Variants in COL23A1 observed in about 807,000 individuals in gnomAD.
COL23A1 encodes the protein collagen alpha-1(XXIII) chain.
In COL23A1, 97 loss-of-function variants were observed where a neutral mutation model predicts 99.3. That is an observed-to-expected ratio of 0.98 (90% CI 0.83 to 1.16). The LOEUF (loss-of-function observed/expected upper bound fraction) is 1.16, where lower values mean the gene tolerates loss of function less well. Ranked by LOEUF, COL23A1 falls within the 50% of genes most tolerant of loss-of-function variation. The pLI is 0.00. For synonymous variants in COL23A1, 320 were observed against 308.2 expected, an observed-to-expected ratio of 1.04 and a Z score of -0.40; for missense variants, 762 against 757.4, an observed-to-expected ratio of 1.01 and a Z score of -0.07.
In COL23A1 at chr5:178,400,525, T is replaced by G. The variant is rs111499507; in HGVS notation, c.362-93606A>C. On this transcript the variant is annotated intron_variant, in intron 2 of 28. Transcript: ENST00000390654. ...TCTGTTCTCTGTTTCTATAGTTTTC[T>G]AAAAATTGTGGTAAGATAGACATAA... 5.7e-3 allele frequency among the ~76,000 whole-genome samples: 861 copies of G among 152,298 alleles called. 6 individuals carry two copies. The highest frequency in any genetic ancestry group is 0.02 in the African/African-American group (824 of 41,568).
intron 5 of COL23A1, among the ~76,000 whole-genome samples, chr5:178,287,338 A>C (rs1043539542): frequency 2.0e-5 from 3 of 152,250 alleles, no homozygotes; most frequent in African/African-American, 7.2e-5. Context: ...GGGCCACTCC[A>C]GCATGAAGTC....
intron 25 of COL23A1, among the ~76,000 whole-genome samples, chr5:178,244,622 C>T (rs890218593): frequency 2.6e-5 from 4 of 152,212 alleles, no homozygotes; most frequent in Middle Eastern, 3.2e-3. Context: ...CTCACCACCA[C>T]GTGGAACTTG....
intron 2 of COL23A1, among the ~76,000 whole-genome samples, chr5:178,390,671 C>G (rs1264722255): frequency 6.6e-6 from 1 of 152,206 alleles, no homozygotes; most frequent in Non-Finnish European, 1.5e-5. Flanking sequence ...GTGCCAAGAC[C>G]ATTCCATGGG....
At chr5:178,520,114 A>G (rs914317171) in intron 2 of COL23A1, among the ~76,000 whole-genome samples, 4 of 152,066 alleles carry the variant, frequency 2.6e-5, no homozygotes, top group Admixed American at 2.6e-4. Context: ...ATGGTCTGAT[A>G]AATGGATGGA....
In COL23A1 at chr5:178,411,938, G is replaced by A. The variant is rs150087170; in HGVS notation, c.362-105019C>T. ...AGAAACTTGTGTGTAATGTTACTGA[G>A]AGAATAAGTCGGCATCATTTTAAGG... On this transcript the variant is annotated intron_variant, in intron 2 of 28. Coordinates refer to ENST00000390654, the MANE Select transcript of COL23A1 (RefSeq NM_173465.4). Among the ~76,000 whole-genome samples, 294 of 152,362 alleles carry A rather than the reference G, an allele frequency of 1.9e-3. 1 individual carries two copies. Among genetic ancestry groups the A allele is most frequent in the African/African-American group, 6.4e-3 (265 of 41,584 alleles).
chr5:178,269,434 C>T (rs1432511862), intron 6 of COL23A1, among the ~76,000 whole-genome samples: 2 of 99,662 alleles, frequency 2.0e-5, no homozygotes, highest in African/African-American at 8.4e-5. Flanking sequence ...CATCCACCCA[C>T]CCACCCATCC....
chr5:178,382,334 A>C (rs1763427557), intron 2 of COL23A1, among the ~76,000 whole-genome samples: 1 of 152,152 alleles, frequency 6.6e-6, no homozygotes, highest in Admixed American at 6.5e-5. Context: ...TTTGTTTCCG[A>C]ATCAGGTTCT....
intron 2 of COL23A1, among the ~76,000 whole-genome samples, chr5:178,557,627 C>A (rs1364223303): frequency 6.6e-6 from 1 of 152,164 alleles, no homozygotes; most frequent in East Asian, 1.9e-4. Flanking sequence ...CGCTGACTCC[C>A]CGGGCTGCTA....
At chr5:178,488,738 T>C (rs564601485) in intron 2 of COL23A1, among the ~76,000 whole-genome samples, 1 of 150,772 alleles carries the variant, frequency 6.6e-6, no homozygotes, top group South Asian at 2.1e-4. Context: ...ACATATTTAA[T>C]GTATACATTC....
At chr5:178,477,830 T>G (rs1301895441) in intron 2 of COL23A1, among the ~76,000 whole-genome samples, 1 of 152,180 alleles carries the variant, frequency 6.6e-6, no homozygotes, top group East Asian at 1.9e-4. Context: ...CGGATGCTGG[T>G]GCTAATGGGT....
chr5:178,249,723 C>CAA, intron 18 of COL23A1, among the ~76,000 whole-genome samples: 1 of 67,318 alleles, frequency 1.5e-5, no homozygotes, highest in African/African-American at 3.3e-5. Flanking sequence ...CACACTCTCT[C>CAA]TCTCTCTCTC....
At chr5:178,450,693 A>T (rs961389598) in intron 2 of COL23A1, among the ~76,000 whole-genome samples, 1 of 152,226 alleles carries the variant, frequency 6.6e-6, no homozygotes, top group Admixed American at 6.5e-5. Flanking sequence ...AACAATAGCC[A>T]GCTTTTGTTG....
intron 1 of COL23A1, among the ~76,000 whole-genome samples, chr5:178,565,161 C>T (rs1762779810): frequency 6.6e-6 from 1 of 152,194 alleles, no homozygotes. Flanking sequence ...CAGCAACTAA[C>T]AAAACAACCC....
chr5:178,468,441 C>T lies in COL23A1; in HGVS notation c.361+92241G>A, dbSNP rs114516015. 9.7e-3 allele frequency among the ~76,000 whole-genome samples: 1,478 copies of T among 152,320 alleles called. 19 individuals are homozygous for T. The highest frequency in any genetic ancestry group is 0.015 in the Non-Finnish European group (1,019 of 68,022). ...GTGAATGCAAGAATATCAACAACCACGGCTCCGTCTCCTGTGGGCTAGACA... is the reference window on the plus strand; with the variant it reads ...GTGAATGCAAGAATATCAACAACCATGGCTCCGTCTCCTGTGGGCTAGACA... On this transcript the variant is annotated intron_variant, in intron 2 of 28. Transcript: ENST00000390654. The surrounding 1 kb of genome is among the most constrained non-coding windows in gnomAD (Gnocchi z 4.2).
chr5:178,488,643 C>T (rs1013894843), intron 2 of COL23A1, among the ~76,000 whole-genome samples: 2 of 149,714 alleles, frequency 1.3e-5, no homozygotes, highest in African/African-American at 4.9e-5. Flanking sequence ...CAAAACGGTG[C>T]GTGGAGTTTG....
intron 2 of COL23A1, among the ~76,000 whole-genome samples, chr5:178,463,542 T>C (rs1169060658): frequency 1.3e-5 from 2 of 152,182 alleles, no homozygotes; most frequent in Admixed American, 6.5e-5. Context: ...CCCCGCACTT[T>C]GGAAACCGCC....
At chr5:178,409,728 T>C (rs1392127855) in intron 2 of COL23A1, among the ~76,000 whole-genome samples, 2 of 152,218 alleles carry the variant, frequency 1.3e-5, no homozygotes, top group Admixed American at 6.5e-5. Context: ...ACAAAGTATG[T>C]AGAACTCAGA....
chr5:178,509,951 C>A (rs1386312803), intron 2 of COL23A1, among the ~76,000 whole-genome samples: 1 of 152,146 alleles, frequency 6.6e-6, no homozygotes, highest in Non-Finnish European at 1.5e-5. Flanking sequence ...GTAAAGCTCA[C>A]GGGGGGCTGA....
chr5:178,238,833 G>A (rs1368014176), intron 28 of COL23A1, 133 bp from the exon 29 acceptor site: 53 of 1,254,684 alleles, frequency 4.2e-5, no homozygotes, highest in Non-Finnish European at 6.1e-5. Context: ...CTCTCAGTGG[G>A]CCAGTTGGGA....
Sources: allele counts gnomAD v4.1 joint callset (sites outside exome capture counted in the v4.1 genomes callset), GRCh38; gene constraint gnomAD v4.1.1; non-coding constraint Gnocchi (gnomAD v3.1); transcripts MANE v1.5; gene names NCBI Gene and HGNC (gene_info 2026-07-23, HGNC 2026-07-21).